The following SLC25A21 variants were observed in gnomAD, a reference collection of about 807,000 sequenced individuals.
SLC25A21 encodes mitochondrial 2-oxodicarboxylate carrier.
SLC25A21 carries 47 observed loss-of-function variants against 43.8 expected under a neutral mutation model. That is an observed-to-expected ratio of 1.07 (90% CI 0.85 to 1.37). SLC25A21 has a LOEUF of 1.37. Among genes scored for constraint, SLC25A21 ranks in the 40% most tolerant of loss-of-function variants. The probability of loss-of-function intolerance (pLI) is 0.00; values close to 1 mark genes in which losing one functional copy is unlikely to be tolerated. For synonymous variants in SLC25A21, 131 were observed against 121.3 expected (o/e 1.08, Z -0.52); for missense variants, 352 against 350.2 (o/e 1.00, Z -0.04).
chr14:36,678,753 T>C lies in SLC25A21; in HGVS notation c.*1905A>G, dbSNP rs1882033940. 8.9e-7 allele frequency: 1 copy of C among 1,129,488 alleles called. No homozygotes were observed. The highest frequency in any genetic ancestry group is 1.6e-5 in the African/African-American group (1 of 62,266). The allele number at this position is 1,129,488 out of a possible 1,614,324, so 70.0% of individuals were successfully genotyped here. A position where few individuals can be genotyped will look rare whatever the true frequency, so the allele number is the denominator to read the frequency against. ...TATTGTGCTATTTATAATTTTTTTC[T>C]GGTTCTTGTATTTTAAAAAATCTAA... On this transcript the variant is annotated 3_prime_UTR_variant, in exon 10 of 10. Coordinates refer to ENST00000331299, the MANE Select transcript of SLC25A21 (RefSeq NM_030631.4).
At chr14:36,877,581 G>A (rs1177290015) in intron 1 of SLC25A21, among the ~76,000 whole-genome samples, 1 of 152,102 alleles carries the variant, frequency 6.6e-6, no homozygotes, top group East Asian at 1.9e-4. Context: ...AGAACAAATA[G>A]TAATGCATGG....
chr14:36,877,261 C>A (rs1164302865), intron 1 of SLC25A21, among the ~76,000 whole-genome samples: 2 of 152,106 alleles, frequency 1.3e-5, no homozygotes, highest in African/African-American at 4.8e-5. Flanking sequence ...CAAAAGAACC[C>A]ACAATACCAA....
chr14:36,923,094 T>C (rs940646202), intron 1 of SLC25A21, among the ~76,000 whole-genome samples: 2 of 151,804 alleles, frequency 1.3e-5, no homozygotes, highest in Non-Finnish European at 2.9e-5. Context: ...AAGGGGAAAC[T>C]ATAAATCATG....
intron 1 of SLC25A21, among the ~76,000 whole-genome samples, chr14:36,875,303 GT>G (rs1890488013): frequency 6.6e-6 from 1 of 152,140 alleles, no homozygotes; most frequent in African/African-American, 2.4e-5. Context: ...CTGGGTGGGA[GT>G]TATGGCTTCC....
At chr14:36,918,421 C>T (rs1020767334) in intron 1 of SLC25A21, among the ~76,000 whole-genome samples, 5 of 152,118 alleles carry the variant, frequency 3.3e-5, no homozygotes, top group African/African-American at 1.2e-4. Flanking sequence ...ATCCCAGTTT[C>T]CTAAATAACT....
intron 1 of SLC25A21, among the ~76,000 whole-genome samples, chr14:36,984,517 C>T (rs1480690964): frequency 6.6e-6 from 1 of 151,334 alleles, no homozygotes. Context: ...TCTTTGTGCC[C>T]TTTTAAAATG....
At chr14:37,027,112 C>A (rs1188987800) in intron 1 of SLC25A21, among the ~76,000 whole-genome samples, 2 of 152,134 alleles carry the variant, frequency 1.3e-5, no homozygotes, top group South Asian at 2.1e-4. Flanking sequence ...TATTGAATTA[C>A]AAGAACCAGG....
chr14:36,942,541 G>A (rs1442441999), intron 1 of SLC25A21, among the ~76,000 whole-genome samples: 1 of 152,158 alleles, frequency 6.6e-6, no homozygotes, highest in Non-Finnish European at 1.5e-5. Flanking sequence ...AGTATCTGGA[G>A]TAATTAATCC....
chr14:36,845,542 A>G (rs1279571885), intron 2 of SLC25A21, among the ~76,000 whole-genome samples: 1 of 152,254 alleles, frequency 6.6e-6, no homozygotes, highest in Admixed American at 6.5e-5. Context: ...AAAATGTGCC[A>G]AGTATTGCAT....
chr14:37,017,093 A>T (rs1011382990), intron 1 of SLC25A21, among the ~76,000 whole-genome samples: 10 of 151,978 alleles, frequency 6.6e-5, no homozygotes, highest in Admixed American at 2.0e-4. Context: ...TCATTTACTC[A>T]CTTCAATAAC....
intron 1 of SLC25A21, among the ~76,000 whole-genome samples, chr14:37,069,078 G>A (rs1962121038): frequency 1.3e-5 from 2 of 152,068 alleles, no homozygotes; most frequent in African/African-American, 4.8e-5. Flanking sequence ...TCTGGAGGCT[G>A]ACGCAGGAGA....
In SLC25A21 at chr14:37,081,094, T is replaced by A. The variant is rs188609035; in HGVS notation, c.70+91187A>T. 7.2e-5 allele frequency among the ~76,000 whole-genome samples: 11 copies of A among 152,296 alleles called. No homozygotes were observed. In the East Asian group the frequency reaches 2.1e-3, roughly 29 times the overall value. On this transcript the variant is annotated intron_variant, in intron 1 of 9. Transcript: ENST00000331299. ...CCCCTGAATCTAATTTTAAGGGTAG[T>A]TACTACCAATGACATTATAAGACCC...
intron 1 of SLC25A21, among the ~76,000 whole-genome samples, chr14:37,042,302 GA>G (rs1373333979): frequency 6.6e-6 from 1 of 152,100 alleles, no homozygotes; most frequent in Non-Finnish European, 1.5e-5. Flanking sequence ...TTATGTTGGG[GA>G]GGGGGAAATC....
intron 2 of SLC25A21, chr14:36,828,616 G>A (rs1888921748): frequency 6.6e-6 from 1 of 152,196 alleles, no homozygotes; most frequent in Admixed American, 6.5e-5. Context: ...ACTTCTACGG[G>A]TTAAATTGCT....
chr14:36,684,765 G>A lies in SLC25A21; in HGVS notation c.764C>T (p.Ala255Val). The A allele has an allele frequency of 6.2e-7, 1 of 1,607,164 alleles. No homozygotes were observed. Among genetic ancestry groups the A allele is most frequent in the Non-Finnish European group, 8.5e-7 (1 of 1,177,446 alleles). Residue 255 changes from alanine (A) to valine (V), a missense_variant, in exon 8 of 10, where the codon GCA (alanine) becomes GTA (valine). Transcript: ENST00000331299. ...TTACCCTTCTTCCTGATAGACTGTT[G>A]CCATTGTTTTAAAACAGGTTCTGTA... ...IKYRTCFKTM[A>V]TVYQEEGILA...
intron 1 of SLC25A21, among the ~76,000 whole-genome samples, chr14:36,917,395 T>G (rs1284252882): frequency 6.6e-6 from 1 of 152,158 alleles, no homozygotes; most frequent in Non-Finnish European, 1.5e-5. Flanking sequence ...GAATGCCATC[T>G]GGGTGCTTCC....
intron 1 of SLC25A21, among the ~76,000 whole-genome samples, chr14:37,111,709 T>A (rs1292245613): frequency 6.6e-6 from 1 of 152,230 alleles, no homozygotes; most frequent in Non-Finnish European, 1.5e-5. Flanking sequence ...CTCTGGTTCA[T>A]CATAATTCTA....
intron 1 of SLC25A21, among the ~76,000 whole-genome samples, chr14:37,166,549 T>C (rs1594829143): frequency 6.6e-6 from 1 of 152,194 alleles, no homozygotes; most frequent in East Asian, 1.9e-4. Flanking sequence ...CCTTGTGAAG[T>C]TGTGGAAAGG....
At chr14:37,143,589 CGT>C (rs10531936) in intron 1 of SLC25A21, among the ~76,000 whole-genome samples, 78,738 of 148,434 alleles carry the variant, frequency 0.53, 22,062 homozygotes, top group Non-Finnish European at 0.64. Flanking sequence ...TGTTCATTAG[CGT>C]GTGTGTGTGT....
Sources: allele counts gnomAD v4.1 joint callset (sites outside exome capture counted in the v4.1 genomes callset), GRCh38; gene constraint gnomAD v4.1.1; transcripts MANE v1.5; gene names NCBI Gene and HGNC (gene_info 2026-07-23, HGNC 2026-07-21).